The following ALMS1 variants were observed in gnomAD, a reference collection of about 807,000 sequenced individuals.
ALMS1 encodes the protein ALMS1 centrosome and basal body associated protein.
Under a neutral mutation model 352.2 loss-of-function variants are expected in ALMS1, and 271 were observed. The ratio of observed to expected loss-of-function variants is 0.77; its 90% CI spans 0.70 to 0.85. The LOEUF (loss-of-function observed/expected upper bound fraction) is 0.85, where lower values mean the gene tolerates loss of function less well. ALMS1 is among the 40% of genes least tolerant of loss of function. The pLI, the probability that ALMS1 is intolerant of heterozygous loss-of-function variation, is 0.00. For missense variants in ALMS1, 5,445 were observed against 4,870.7 expected, an observed-to-expected ratio of 1.12 and a Z score of -3.51; for synonymous variants, 1,865 against 1,761.2, an observed-to-expected ratio of 1.06 and a Z score of -1.48.
chr2:73,504,156 A>G lies in ALMS1; in HGVS notation c.9539+12658A>G, dbSNP rs537566437. On this transcript the variant is annotated intron_variant, in intron 10 of 22. Coordinates refer to ENST00000613296, the MANE Select transcript of ALMS1 (RefSeq NM_001378454.1). The stretch of plus-strand genomic sequence containing the variant: ...TCCCCACTCAGCTTCCCCATTGATA[A>G]TGTCCTTACATAACTATAATGCATT... Among the ~76,000 whole-genome samples the G allele has an allele frequency of 1.2e-4, 19 of 152,290 alleles. No homozygotes were observed. The South Asian group carries it at 2.7e-3, about 22-fold the overall frequency.
chr2:73,589,828 G>A (rs2421555), intron 16 of ALMS1, among the ~76,000 whole-genome samples: 58,942 of 152,034 alleles, frequency 0.39, 15,949 homozygotes, highest in African/African-American at 0.77. Context: ...CCCCTTATGC[G>A]TCTGTCTGAA....
At chr2:73,428,588 A>G (rs892350198) in intron 6 of ALMS1, among the ~76,000 whole-genome samples, 2 of 152,238 alleles carry the variant, frequency 1.3e-5, no homozygotes, top group African/African-American at 4.8e-5. Flanking sequence ...AAATAAAGAT[A>G]TATAGGTTCA....
At chr2:73,593,873 C>G (rs544536342) in intron 16 of ALMS1, among the ~76,000 whole-genome samples, 6 of 152,322 alleles carry the variant, frequency 3.9e-5, no homozygotes, top group African/African-American at 1.4e-4. Context: ...ATTCACTTAA[C>G]ATAGTATTTT....
At chr2:73,515,611 C>T (rs553376104) in intron 10 of ALMS1, among the ~76,000 whole-genome samples, 9 of 151,802 alleles carry the variant, frequency 5.9e-5, no homozygotes, top group African/African-American at 1.9e-4. Flanking sequence ...AATTGAGATG[C>T]GAAAATCCAT....
At chr2:73,398,879 T>C (rs1356060542) in intron 1 of ALMS1, among the ~76,000 whole-genome samples, 1 of 152,172 alleles carries the variant, frequency 6.6e-6, no homozygotes, top group Non-Finnish European at 1.5e-5. Flanking sequence ...AGTCTGGCAC[T>C]GTCACCCGGG....
intron 15 of ALMS1, among the ~76,000 whole-genome samples, chr2:73,566,706 G>A (rs993273283): frequency 1.3e-5 from 2 of 152,146 alleles, no homozygotes; most frequent in East Asian, 1.9e-4. Context: ...AGTCCCCACA[G>A]GTTATGGGTT....
intron 2 of ALMS1, among the ~76,000 whole-genome samples, chr2:73,416,956 C>T (rs1671192596): frequency 6.6e-6 from 1 of 151,970 alleles, no homozygotes; most frequent in African/African-American, 2.4e-5. Context: ...AAAAAATTAA[C>T]TGAGTGCCTG....
rs955552615 is a variant in ALMS1, at chr2:73,403,687, G to A, written c.325-4935G>A. 9.2e-5 allele frequency among the ~76,000 whole-genome samples: 14 copies of A among 151,984 alleles called. No homozygotes were observed. The South Asian group carries it at 2.1e-3, about 23-fold the overall frequency. On this transcript the variant is annotated intron_variant, in intron 1 of 22. Coordinates refer to ENST00000613296, the MANE Select transcript of ALMS1 (RefSeq NM_001378454.1). ...ATGGAATATCTTTCTATTTATTTGT[G>A]TCCTTAATTTCTTTCATTAGTATTG...
chr2:73,477,178 G>C (rs1266950372), intron 9 of ALMS1, among the ~76,000 whole-genome samples: 1 of 151,996 alleles, frequency 6.6e-6, no homozygotes, highest in Non-Finnish European at 1.5e-5. Flanking sequence ...CAGTTTTTAT[G>C]TATGGCATGC....
chr2:73,455,075 G>A, intron 8 of ALMS1, 87 bp from the exon 9 acceptor site: 1 of 1,432,748 alleles, frequency 7.0e-7, no homozygotes, highest in Admixed American at 1.7e-5. Context: ...GTATTAAATT[G>A]CATATATTGA....
intron 10 of ALMS1, among the ~76,000 whole-genome samples, chr2:73,501,314 T>C (rs1014875372): frequency 5.3e-5 from 8 of 152,104 alleles, no homozygotes; most frequent in African/African-American, 1.9e-4. Flanking sequence ...GCTTTAATTT[T>C]GATGAATTCC....
At chr2:73,472,535 T>C (rs1672488979) in intron 9 of ALMS1, among the ~76,000 whole-genome samples, 1 of 152,036 alleles carries the variant, frequency 6.6e-6, no homozygotes, top group Non-Finnish European at 1.5e-5. Context: ...CTAGGGCTCT[T>C]GCAAAAACAC....
rs376474015 is a variant in ALMS1, at chr2:73,427,723, C to G, written c.1338+1170C>G. On this transcript the variant is annotated intron_variant, in intron 6 of 22. Coordinates refer to ENST00000613296, the MANE Select transcript of ALMS1 (RefSeq NM_001378454.1). ...TAGAAGGCTTTTATTTGCTTGGATCCTTGGATCCCTTGGCATTAATGTTCC... is the reference window on the plus strand; with the variant it reads ...TAGAAGGCTTTTATTTGCTTGGATCGTTGGATCCCTTGGCATTAATGTTCC... Among the ~76,000 whole-genome samples the G allele has an allele frequency of 1.6e-4, 24 of 152,206 alleles. No individual in the cohort carries two copies. The South Asian group carries it at 1.9e-3, about 12-fold the overall frequency.
rs531334979 is a variant in ALMS1, at chr2:73,509,359, T to TTTA, written c.9540-10398_9540-10396dup. ...TTCATAGTGTTGATGGTCTTTACAT[T>TTTA]TTATTATTATTATTATTATTTTTGC... On this transcript the variant is annotated intron_variant, in intron 10 of 22. Coordinates refer to ENST00000613296, the MANE Select transcript of ALMS1 (RefSeq NM_001378454.1). Among the ~76,000 whole-genome samples, 667 of 151,982 alleles carry TTTA rather than the reference T, an allele frequency of 4.4e-3. 5 individuals carry two copies. Among genetic ancestry groups the TTTA allele is most frequent in the Middle Eastern group, 0.021 (6 of 292 alleles).
At chr2:73,422,794 A>G (rs1671308871) in intron 3 of ALMS1, 63 bp from the exon 4 acceptor site, 2 of 1,322,894 alleles carry the variant, frequency 1.5e-6, no homozygotes, top group African/African-American at 1.5e-5. Flanking sequence ...TTAAAGTATT[A>G]TATACGTAAG....
chr2:73,448,998 C>A lies in ALMS1; in HGVS notation c.2471C>A (p.Ala824Asp), dbSNP rs754424459. 39 of 1,613,780 alleles carry A rather than the reference C, an allele frequency of 2.4e-5. No homozygotes were observed. Among genetic ancestry groups the A allele is most frequent in the Non-Finnish European group, 3.0e-5 (35 of 1,179,936 alleles). Reference protein sequence around the residue: ...REKLLVFYQQALLDSHLPEEA... With the variant: ...REKLLVFYQQDLLDSHLPEEA... The stretch of plus-strand genomic sequence containing the variant: ...AAGCTCCTTGTTTTCTACCAACAGG[C>A]CTTGCTGGACAGCCATCTACCCGAA... The change falls in exon 8 of 23, where the codon GCC becomes GAC. Residue 824 changes from alanine (A) to aspartate (D), a missense_variant. Coordinates refer to ENST00000613296, the MANE Select transcript of ALMS1 (RefSeq NM_001378454.1).
chr2:73,386,252 C>G (rs1009097793), intron 1 of ALMS1, 60 bp downstream of exon 1: 71 of 1,420,626 alleles, frequency 5.0e-5, no homozygotes, highest in East Asian at 5.7e-5. Context: ...GGCTGGGCCC[C>G]GAGCGCTCCG....
chr2:73,442,217 T>C (rs945990663), intron 7 of ALMS1, among the ~76,000 whole-genome samples: 2 of 152,168 alleles, frequency 1.3e-5, no homozygotes, highest in African/African-American at 2.4e-5. Context: ...TGACATGATA[T>C]TCAAAGGAAA....
At chr2:73,440,343 A>G (rs1398500611) in intron 7 of ALMS1, among the ~76,000 whole-genome samples, 1 of 151,966 alleles carries the variant, frequency 6.6e-6, no homozygotes, top group African/African-American at 2.4e-5. Context: ...TTAATCTGTA[A>G]GTTTATGTCT....
Sources: gnomAD v4.1 joint callset for allele counts (sites outside exome capture counted in the v4.1 genomes callset) on GRCh38, gnomAD v4.1.1 for gene constraint, MANE v1.5 for transcripts, NCBI Gene and HGNC (gene_info 2026-07-23, HGNC 2026-07-21) for gene names.